Variants in MAPK1IP1L observed in about 807,000 individuals in gnomAD.
The protein encoded by MAPK1IP1L is MAPK-interacting and spindle-stabilizing protein-like.
MAPK1IP1L carries 10 observed loss-of-function variants against 18.1 expected under a neutral mutation model. The ratio of observed to expected loss-of-function variants is 0.55; its 90% CI spans 0.34 to 0.94. The LOEUF (loss-of-function observed/expected upper bound fraction) is 0.94, where lower values mean the gene tolerates loss of function less well. Ranked by LOEUF, MAPK1IP1L falls within the 40% of genes least tolerant of loss-of-function variation. The pLI, the probability that MAPK1IP1L is intolerant of heterozygous loss-of-function variation, is 0.02. For missense variants in MAPK1IP1L, 260 were observed against 318.2 expected (o/e 0.82, Z 1.39); for synonymous variants, 115 against 117.3 (o/e 0.98, Z 0.13).
In MAPK1IP1L at chr14:55,066,921, G is replaced by A. The variant is rs570545849; in HGVS notation, c.*2294G>A. 6.7e-6 allele frequency: 1 copy of A among 149,942 alleles called. No individual in the cohort carries two copies. The highest frequency in any genetic ancestry group is 2.5e-5 in the African/African-American group (1 of 40,604). The allele number at this position is 149,942 out of a possible 1,614,324, so 9.3% of individuals were successfully genotyped here. A position where few individuals can be genotyped will look rare whatever the true frequency, so the allele number is the denominator to read the frequency against. ...GGAGATTTTTTTTTTTTTTTGAGAC[G>A]GAGTCTCGCTCTGTCGCCCATGCTG... On this transcript the variant is annotated 3_prime_UTR_variant, in exon 4 of 4. Transcript: ENST00000395468.
chr14:55,068,125 T>C lies in MAPK1IP1L; in HGVS notation c.*3498T>C, dbSNP rs1001051329. Reference sequence around the variant, plus strand: ...GCCCTATTTTGTGTAAAGTAATATATTGATTATTCAGAAATAGACAATACA... The same window carrying C: ...GCCCTATTTTGTGTAAAGTAATATACTGATTATTCAGAAATAGACAATACA... On this transcript the variant is annotated 3_prime_UTR_variant, in exon 4 of 4. Coordinates refer to ENST00000395468, the MANE Select transcript of MAPK1IP1L (RefSeq NM_144578.4). 3.3e-5 allele frequency: 5 copies of C among 152,204 alleles called. No homozygotes were observed. The highest frequency in any genetic ancestry group is 4.8e-5 in the African/African-American group (2 of 41,432). 9.4% of individuals were successfully genotyped at this position (152,204 alleles called of 1,614,324 possible).
At chr14:55,058,299 A>C (rs2042787391) in intron 1 of MAPK1IP1L, among the ~76,000 whole-genome samples, 1 of 152,240 alleles carries the variant, frequency 6.6e-6, no homozygotes, top group African/African-American at 2.4e-5. Flanking sequence ...ATAACAAAAC[A>C]AAGTTGAATG....
chr14:55,063,637 T>C (rs141227471), intron 3 of MAPK1IP1L, among the ~76,000 whole-genome samples: 11 of 152,106 alleles, frequency 7.2e-5, no homozygotes, highest in African/African-American at 2.7e-4. Context: ...CTTTTTGTTT[T>C]ATTATTATTA....
rs1024810348 is a variant in MAPK1IP1L at position 55,067,880 on chromosome 14, G to A, written c.*3253G>A. 1 of 152,206 alleles carries A rather than the reference G, an allele frequency of 6.6e-6. No individual in the cohort carries two copies. The highest frequency in any genetic ancestry group is 1.5e-5 in the Non-Finnish European group (1 of 68,048). 9.4% of individuals were successfully genotyped at this position (152,206 alleles called of 1,614,324 possible). ...AGAATTTTCAAATCTAATGGAAATA[G>A]TTGAGGTGTTCAGGAATGCTGTTTC... On this transcript the variant is annotated 3_prime_UTR_variant, in exon 4 of 4. Transcript: ENST00000395468.
intron 1 of MAPK1IP1L, chr14:55,060,701 T>C (rs1022866430): frequency 6.6e-6 from 1 of 152,126 alleles, no homozygotes; most frequent in Non-Finnish European, 1.5e-5. Context: ...GAGTGAGAAA[T>C]GTTCTGTATC....
chr14:55,065,773 GT>G lies in MAPK1IP1L; in HGVS notation c.*1149del, dbSNP rs1431860123. 6.6e-6 allele frequency: 1 copy of G among 152,170 alleles called. No homozygotes were observed. Among genetic ancestry groups the G allele is most frequent in the African/African-American group, 2.4e-5 (1 of 41,444 alleles). The allele number at this position is 152,170 out of a possible 1,614,324, so 9.4% of individuals were successfully genotyped here. A position where few individuals can be genotyped will look rare whatever the true frequency, so the allele number is the denominator to read the frequency against. ...AAGCTATGTCATTGTCTACTGCATAGTTTCCTGAGTCTGTTTGTAAAGTGCT... is the reference window on the plus strand; with the variant it reads ...AAGCTATGTCATTGTCTACTGCATAGTTCCTGAGTCTGTTTGTAAAGTGCT... On this transcript the variant is annotated 3_prime_UTR_variant, in exon 4 of 4. Coordinates refer to ENST00000395468, the MANE Select transcript of MAPK1IP1L (RefSeq NM_144578.4).
At chr14:55,052,428 G>A (rs933465647) in intron 1 of MAPK1IP1L, among the ~76,000 whole-genome samples, 31 of 152,142 alleles carry the variant, frequency 2.0e-4, no homozygotes, top group Non-Finnish European at 3.8e-4. Flanking sequence ...ACCACGAGAA[G>A]GGCAGAATTC....
rs571586087 is a variant in MAPK1IP1L at position 55,063,061 on chromosome 14, G to T, written c.462G>T (p.Ala154=). The part of the protein sequence containing the change: ...PWGSMSSGPW[A]PGMGGQYPTP... ...GATCCATGTCTTCTGGACCTTGGGCGCCAGGAATGGGAGGGCAGTATCCTA... is the reference window on the plus strand; with the variant it reads ...GATCCATGTCTTCTGGACCTTGGGCTCCAGGAATGGGAGGGCAGTATCCTA... Residue 154 remains alanine, a synonymous_variant, in exon 3 of 4, where the codon GCG becomes GCT. Transcript: ENST00000395468. 4 of 1,613,532 alleles carry T rather than the reference G, an allele frequency of 2.5e-6. No individual in the cohort carries two copies. In the South Asian group the frequency reaches 3.3e-5, roughly 13 times the overall value.
chr14:55,062,836 A>C lies in MAPK1IP1L; in HGVS notation c.237A>C (p.Gly79=). Residue 79 remains glycine, a synonymous_variant, in exon 3 of 4, where the codon GGA becomes GGC. Transcript: ENST00000395468. ...TGTATCCCTCCGTGCCTCCCACCGG[A>C]CCACCTCCAGGACCCCCAGCACCCT... ...TGMYPSVPPT[G]PPPGPPAPFP... 1 of 1,613,994 alleles carries C rather than the reference A, an allele frequency of 6.2e-7. No homozygotes were observed. Among genetic ancestry groups the C allele is most frequent in the Non-Finnish European group, 8.5e-7 (1 of 1,179,988 alleles).
At chr14:55,053,962 AT>A (rs997459533) in intron 1 of MAPK1IP1L, among the ~76,000 whole-genome samples, 4 of 151,930 alleles carry the variant, frequency 2.6e-5, no homozygotes, top group South Asian at 2.1e-4. Context: ...CAGATTTTGG[AT>A]TTTTTTTACA....
chr14:55,057,545 T>C (rs1279389237), intron 1 of MAPK1IP1L, among the ~76,000 whole-genome samples: 1 of 151,962 alleles, frequency 6.6e-6, no homozygotes, highest in Non-Finnish European at 1.5e-5. Context: ...GATCACAAGG[T>C]CAAGAGATGG....
chr14:55,055,340 CT>C (rs1191255718), intron 1 of MAPK1IP1L, among the ~76,000 whole-genome samples: 1 of 152,108 alleles, frequency 6.6e-6, no homozygotes, highest in African/African-American at 2.4e-5. Context: ...TCATGTCCAA[CT>C]GTTTTTCACC....
intron 1 of MAPK1IP1L, among the ~76,000 whole-genome samples, chr14:55,058,163 G>C (rs1195702467): frequency 6.6e-6 from 1 of 152,164 alleles, no homozygotes; most frequent in Non-Finnish European, 1.5e-5. Flanking sequence ...CCATTCATGT[G>C]CATCTTTGGG....
At chr14:55,061,787 C>G in intron 2 of MAPK1IP1L, 86 bp downstream of exon 2, 3 of 1,095,848 alleles carry the variant, frequency 2.7e-6, no homozygotes, top group Non-Finnish European at 3.9e-6. Context: ...AATCTTTTCA[C>G]TTAAAAGAGA....
intron 1 of MAPK1IP1L, among the ~76,000 whole-genome samples, chr14:55,052,820 TG>T (rs1280204389): frequency 6.6e-6 from 1 of 152,232 alleles, no homozygotes; most frequent in Non-Finnish European, 1.5e-5. Flanking sequence ...TTGCAAATAT[TG>T]GAATGTTCTT....
rs1387770163 is a variant in MAPK1IP1L at position 55,065,853 on chromosome 14, G to A, written c.*1226G>A. 1 of 152,148 alleles carries A rather than the reference G, an allele frequency of 6.6e-6. No individual in the cohort carries two copies. Among genetic ancestry groups the A allele is most frequent in the Non-Finnish European group, 1.5e-5 (1 of 68,026 alleles). 9.4% of individuals were successfully genotyped at this position (152,148 alleles called of 1,614,324 possible). On this transcript the variant is annotated 3_prime_UTR_variant, in exon 4 of 4. Transcript: ENST00000395468. ...TTGACAGGTAAATAAGTGGAGTTGA[G>A]TGCCATCTTTGAAAAAATTACCCTC...
chr14:55,055,084 C>G (rs912792797), intron 1 of MAPK1IP1L, among the ~76,000 whole-genome samples: 1 of 152,114 alleles, frequency 6.6e-6, no homozygotes, highest in Admixed American at 6.6e-5. Flanking sequence ...TTGGCCTCAT[C>G]TTAATAATTA....
chr14:55,057,977 A>T (rs959247888), intron 1 of MAPK1IP1L, among the ~76,000 whole-genome samples: 1 of 152,124 alleles, frequency 6.6e-6, no homozygotes, highest in Non-Finnish European at 1.5e-5. Context: ...ACATTTAAGA[A>T]AGATTAATAA....
chr14:55,062,252 A>G (rs1170468941), intron 2 of MAPK1IP1L, among the ~76,000 whole-genome samples: 1 of 152,242 alleles, frequency 6.6e-6, no homozygotes, highest in African/African-American at 2.4e-5. Flanking sequence ...AAGAGGCTCT[A>G]TCTCAGAGTA....
Sources: gnomAD v4.1 joint callset for allele counts (sites outside exome capture counted in the v4.1 genomes callset) on GRCh38, gnomAD v4.1.1 for gene constraint, MANE v1.5 for transcripts, NCBI Gene and HGNC (gene_info 2026-07-23, HGNC 2026-07-21) for gene names.